FMO2: variants seen among roughly 807,000 people sequenced by gnomAD.
FMO2 encodes the protein flavin containing dimethylaniline monoxygenase 2, also known as flavin-containing monooxygenase 2.
A neutral mutation model predicts 41.6 loss-of-function variants in FMO2; 33 were observed. That is an observed-to-expected ratio of 0.79 (90% CI 0.60 to 1.06). The LOEUF (loss-of-function observed/expected upper bound fraction) is 1.06. Ranked by LOEUF, FMO2 falls within the 50% of genes least tolerant of loss-of-function variation. The pLI, the probability that FMO2 is intolerant of heterozygous loss-of-function variation, is 0.00. For missense variants in FMO2, 619 were observed against 632.9 expected (o/e 0.98, Z 0.23); for synonymous variants, 214 against 219.6 (o/e 0.97, Z 0.23).
chr1:171,208,902 A>G lies in FMO2; in HGVS notation c.1365A>G (p.Lys455=), dbSNP rs780772218. The G allele has an allele frequency of 6.2e-7, 1 of 1,614,018 alleles. No homozygotes were observed. Among genetic ancestry groups the G allele is most frequent in the Non-Finnish European group, 8.5e-7 (1 of 1,179,910 alleles). ...CAGATTTCTGCTCTCTCTTGTTCAAAGATCCTAAACTGGCTGTGAGACTCT... is the reference window on the plus strand; with the variant it reads ...CAGATTTCTGCTCTCTCTTGTTCAAGGATCCTAAACTGGCTGTGAGACTCT... The part of the protein sequence containing the change: ...AKPDFCSLLF[K]DPKLAVRLYF... Residue 455 remains lysine, a synonymous_variant, in exon 9 of 9, where the codon AAA becomes AAG. Transcript: ENST00000209929.
chr1:171,198,781 C>A (rs1658403522), intron 4 of FMO2, among the ~76,000 whole-genome samples: 1 of 152,136 alleles, frequency 6.6e-6, no homozygotes, highest in South Asian at 2.1e-4. Context: ...AGGCAGAAGA[C>A]AGTATCTGGT....
Position 171,204,154 on chromosome 1 carries a change from C to T in FMO2, c.827+90C>T, listed in dbSNP as rs945157723. 3 of 891,552 alleles carry T rather than the reference C, an allele frequency of 3.4e-6. No individual in the cohort carries two copies. The Admixed American group carries it at 5.7e-5, about 17-fold the overall frequency. 55.2% of individuals were successfully genotyped at this position (891,552 alleles called of 1,614,324 possible). ...CCTTAACAAAGATTCAAATTGCTAA[C>T]ACGGTAGTTAAAACTACAATCTAAC... On this transcript the variant is annotated intron_variant, in intron 6 of 8. Coordinates refer to ENST00000209929, the MANE Select transcript of FMO2 (RefSeq NM_001460.5).
chr1:171,194,201 G>A (rs1658211472), intron 3 of FMO2, among the ~76,000 whole-genome samples: 1 of 152,156 alleles, frequency 6.6e-6, no homozygotes, highest in Non-Finnish European at 1.5e-5. Context: ...ATAGAAATGG[G>A]ATTTCTTAGA....
chr1:171,200,512 A>C lies in FMO2; in HGVS notation c.627+1024A>C, dbSNP rs1168331564. ...GCTTACCATGGCCCTGTGCACAACC[A>C]ACAAATCATTTCCATCCTAAGTCTT... is the stretch of plus-strand genomic sequence containing the variant. On this transcript the variant is annotated intron_variant, in intron 5 of 8. Transcript: ENST00000209929. Among the ~76,000 whole-genome samples the C allele has an allele frequency of 2.0e-5, 3 of 152,116 alleles. No individual in the cohort carries two copies. In the East Asian group the frequency reaches 5.8e-4, roughly 29 times the overall value.
chr1:171,189,885 A>G (rs1658011428), intron 2 of FMO2, among the ~76,000 whole-genome samples: 1 of 152,144 alleles, frequency 6.6e-6, no homozygotes, highest in South Asian at 2.1e-4. Context: ...AGGAAGTAAG[A>G]AGAGTTTTAA....
Position 171,196,635 on chromosome 1 carries a change from T to C in FMO2, c.322-14T>C, listed in dbSNP as rs1292168498. Reference sequence around the variant, plus strand: ...GAGTAATTCTCAATGATGCCTTCTCTGTGTTTCTTCAAGACAACTGTCCTT... The same window carrying C: ...GAGTAATTCTCAATGATGCCTTCTCCGTGTTTCTTCAAGACAACTGTCCTT... On this transcript the variant is annotated splice_polypyrimidine_tract_variant and intron_variant, in intron 3 of 8. Coordinates refer to ENST00000209929, the MANE Select transcript of FMO2 (RefSeq NM_001460.5). The C allele has an allele frequency of 6.2e-7, 1 of 1,610,572 alleles. No homozygotes were observed.
At chr1:171,189,421 G>A (rs1657983719) in intron 2 of FMO2, among the ~76,000 whole-genome samples, 1 of 152,004 alleles carries the variant, frequency 6.6e-6, no homozygotes, top group Non-Finnish European at 1.5e-5. Context: ...TTGCCAATGA[G>A]TGTATACCTT....
In FMO2 at chr1:171,210,168, T is replaced by A. The variant is rs1658922260; in HGVS notation, c.*1023T>A. ...TTTGCCAAATATGACCAAATTACTT[T>A]TATTTATAATTTTTGATTTATATTT... is the stretch of plus-strand genomic sequence containing the variant. On this transcript the variant is annotated 3_prime_UTR_variant, in exon 9 of 9. Transcript: ENST00000209929. 1 of 152,202 alleles carries A rather than the reference T, an allele frequency of 6.6e-6. No homozygotes were observed. The highest frequency in any genetic ancestry group is 2.1e-4 in the South Asian group (1 of 4,834). 9.4% of individuals were successfully genotyped at this position (152,202 alleles called of 1,614,324 possible). A position where few individuals can be genotyped will look rare whatever the true frequency, so the allele number is the denominator to read the frequency against.
intron 2 of FMO2, among the ~76,000 whole-genome samples, chr1:171,191,828 T>C (rs760292963): frequency 7.2e-5 from 10 of 139,480 alleles, no homozygotes; most frequent in Non-Finnish European, 1.2e-4. Context: ...GTTTTAGACC[T>C]GCCTGGGCAA....
chr1:171,204,365 C>T (rs1343888120), intron 6 of FMO2, among the ~76,000 whole-genome samples: 1 of 152,138 alleles, frequency 6.6e-6, no homozygotes, highest in Non-Finnish European at 1.5e-5. Context: ...TTACGACCTG[C>T]CTTTCAGAGG....
Position 171,189,796 on chromosome 1 carries a change from C to T in FMO2, c.133-3539C>T, listed in dbSNP as rs76552897. Among the ~76,000 whole-genome samples, 262 of 151,966 alleles carry T rather than the reference C, an allele frequency of 1.7e-3. 6 individuals carry two copies. In the East Asian group the frequency reaches 0.033, roughly 19 times the overall value. On this transcript the variant is annotated intron_variant, in intron 2 of 8. Transcript: ENST00000209929. Reference sequence around the variant, plus strand: ...GGGATTACAGCCTTGTGCCACCACACATCTGGACCCATCTTCTAATGCAAC... The same window carrying T: ...GGGATTACAGCCTTGTGCCACCACATATCTGGACCCATCTTCTAATGCAAC...
intron 4 of FMO2, among the ~76,000 whole-genome samples, chr1:171,198,230 C>A (rs997488954): frequency 1.3e-5 from 2 of 150,618 alleles, no homozygotes; most frequent in East Asian, 3.8e-4. Flanking sequence ...TGTGATTAAC[C>A]ACCAGCAAGT....
At chr1:171,196,917 G>A in intron 4 of FMO2, 106 bp downstream of exon 4, 1 of 967,722 alleles carries the variant, frequency 1.0e-6, no homozygotes, top group Admixed American at 2.2e-5. Context: ...GCAGAACTTG[G>A]CTCAATAAGA....
rs766921879 is a variant in FMO2, at chr1:171,193,537, G to C, written c.321+14G>C. 1 of 1,541,404 alleles carries C rather than the reference G, an allele frequency of 6.5e-7. No individual in the cohort carries two copies. The highest frequency in any genetic ancestry group is 2.3e-5 in the East Asian group (1 of 44,430). On this transcript the variant is annotated intron_variant, in intron 3 of 8. Transcript: ENST00000209929. ...ATTCAGTTCCAGGTATTGTATTTTT[G>C]GGGAAATGGGTTTCTCTGCATTAGT...
At chr1:171,191,794 T>C (rs1196450250) in intron 2 of FMO2, among the ~76,000 whole-genome samples, 1 of 139,252 alleles carries the variant, frequency 7.2e-6, no homozygotes, top group Non-Finnish European at 1.5e-5. Flanking sequence ...GGTGTTGAGG[T>C]GGGTGGATTG....
At chr1:171,193,791 T>C (rs76129424) in intron 3 of FMO2, among the ~76,000 whole-genome samples, 1,567 of 149,476 alleles carry the variant, frequency 0.01, 31 homozygotes, top group African/African-American at 0.035. Context: ...TTTTTTTTTT[T>C]CTCCCTGAGA....
chr1:171,205,437 C>G lies in FMO2; in HGVS notation c.986C>G (p.Thr329Arg), dbSNP rs758998237. ...AACATTGATGTCATCATTTTTGCAA[C>G]AGGATATAGTTTCTCTTTTCCCTTC... ...EENIDVIIFA[T>R]GYSFSFPFLE... is the part of the protein sequence containing the mutation. The change falls in exon 7 of 9, where the codon ACA (threonine) becomes AGA (arginine). Residue 329 changes from threonine to arginine, a missense_variant. Coordinates refer to ENST00000209929, the MANE Select transcript of FMO2 (RefSeq NM_001460.5). The G allele has an allele frequency of 5.3e-5, 86 of 1,613,732 alleles. No individual in the cohort carries two copies. The South Asian group carries it at 9.0e-4, about 17-fold the overall frequency.
At chr1:171,207,311 G>A (rs1035634236) in intron 7 of FMO2, among the ~76,000 whole-genome samples, 2 of 152,076 alleles carry the variant, frequency 1.3e-5, no homozygotes, top group Admixed American at 1.3e-4. Flanking sequence ...TGCCTCCCTG[G>A]AGTCCATTTT....
At position 171,211,198 on chromosome 1, in the gene FMO2, A is replaced by C. The variant is rs571074332; in HGVS notation, c.*2053A>C. 4 of 152,306 alleles carry C rather than the reference A, an allele frequency of 2.6e-5. No homozygotes were observed. The highest frequency in any genetic ancestry group is 4.8e-5 in the African/African-American group (2 of 41,576). 9.4% of individuals were successfully genotyped at this position (152,306 alleles called of 1,614,324 possible). ...GCCTGTGGGCCAAATCTAGCTCACT[A>C]TCTGTTTTTGTAAATAAAATTTTAT... is the stretch of plus-strand genomic sequence containing the variant. On this transcript the variant is annotated 3_prime_UTR_variant, in exon 9 of 9. Coordinates refer to ENST00000209929, the MANE Select transcript of FMO2 (RefSeq NM_001460.5).
Sources: gnomAD v4.1 joint callset for allele counts (sites outside exome capture counted in the v4.1 genomes callset) on GRCh38, gnomAD v4.1.1 for gene constraint, MANE v1.5 for transcripts, NCBI Gene and HGNC (gene_info 2026-07-23, HGNC 2026-07-21) for gene names.